IGF2R: variants seen among roughly 807,000 people sequenced by gnomAD.
IGF2R encodes the protein insulin like growth factor 2 receptor.
A neutral mutation model predicts 270.6 loss-of-function variants in IGF2R; 91 were observed. The ratio of observed to expected loss-of-function variants is 0.34; its 90% CI spans 0.28 to 0.40. IGF2R has a LOEUF of 0.40. IGF2R is among the 10% of genes least tolerant of loss of function. IGF2R has a pLI of 1.00. For missense variants in IGF2R, 2,805 were observed against 3,188.3 expected (o/e 0.88, Z 2.90); for synonymous variants, 1,316 against 1,258.9 (o/e 1.05, Z -0.96).
rs762956034 is a variant in IGF2R, at chr6:160,047,783, G to C, written c.2230-9G>C. On this transcript the variant is annotated splice_polypyrimidine_tract_variant and intron_variant, in intron 16 of 47. Transcript: ENST00000356956. ...TTTGCCATCCCTCCGCGCATCTGCC[G>C]TGGATTAGGAAGAGGATAACTCCAC... 1 of 1,571,084 alleles carries C rather than the reference G, an allele frequency of 6.4e-7. No individual in the cohort carries two copies. Among genetic ancestry groups the C allele is most frequent in the Non-Finnish European group, 8.8e-7 (1 of 1,140,806 alleles).
At chr6:160,092,708 C>G (rs1346932371) in intron 44 of IGF2R, among the ~76,000 whole-genome samples, 18 of 152,222 alleles carry the variant, frequency 1.2e-4, no homozygotes, top group Admixed American at 1.2e-3. Flanking sequence ...ATTCAGCAGC[C>G]CCTGCTTCAG....
intron 6 of IGF2R, among the ~76,000 whole-genome samples, chr6:160,027,556 G>A (rs919578362): frequency 6.6e-6 from 1 of 152,222 alleles, no homozygotes; most frequent in African/African-American, 2.4e-5. Flanking sequence ...CCAGTCCATA[G>A]TACATACCTG....
intron 39 of IGF2R, 121 bp from the exon 40 acceptor site, chr6:160,083,829 A>G: frequency 6.9e-6 from 5 of 725,198 alleles, no homozygotes; most frequent in Non-Finnish European, 1.2e-5. Context: ...AATTAACAAC[A>G]TCTCAGCAAA....
intron 39 of IGF2R, among the ~76,000 whole-genome samples, chr6:160,082,910 C>A (rs981708635): frequency 6.6e-6 from 1 of 152,208 alleles, no homozygotes; most frequent in African/African-American, 2.4e-5. Flanking sequence ...CTCTGCTCCC[C>A]TGAAGGGGTG....
rs563000336 is a variant in IGF2R, at chr6:159,986,356, C to T, written c.150-4828C>T. ...AAGCTATTCTCGTGCCTCAGCCTCC[C>T]GAGTAGTTGGGACTATAAGCGTGCG... On this transcript the variant is annotated intron_variant, in intron 1 of 47. Transcript: ENST00000356956. Among the ~76,000 whole-genome samples, 326 of 151,224 alleles carry T rather than the reference C, an allele frequency of 2.2e-3. 4 individuals carry two copies. Among genetic ancestry groups the T allele is most frequent in the African/African-American group, 7.4e-3 (304 of 41,148 alleles).
At chr6:160,044,684 T>C in intron 13 of IGF2R, 27 bp downstream of exon 13, 1 of 1,582,996 alleles carries the variant, frequency 6.3e-7, no homozygotes, top group Non-Finnish European at 8.6e-7. Flanking sequence ...AGATGAAATC[T>C]TTTCTGGCTT....
At chr6:160,015,297 A>C (rs997806786) in intron 4 of IGF2R, among the ~76,000 whole-genome samples, 22 of 152,240 alleles carry the variant, frequency 1.4e-4, no homozygotes, top group African/African-American at 5.3e-4. Context: ...GAAGTTTTAG[A>C]ATATTCTTTG....
chr6:160,052,555 G>A (rs936034255), intron 19 of IGF2R, among the ~76,000 whole-genome samples: 1 of 152,074 alleles, frequency 6.6e-6, no homozygotes, highest in Non-Finnish European at 1.5e-5. Context: ...GCTACCAATG[G>A]TTTTCTTCAC....
In IGF2R at chr6:160,102,980, G is replaced by A. The variant is rs1316440680; in HGVS notation, c.6995+309G>A. Among the ~76,000 whole-genome samples the A allele has an allele frequency of 2.0e-5, 3 of 152,152 alleles. No homozygotes were observed. Among genetic ancestry groups the A allele is most frequent in the African/African-American group, 4.8e-5 (2 of 41,426 alleles). The stretch of plus-strand genomic sequence containing the variant: ...CCTTTCATGGGTGCCTTTTCCCACT[G>A]AGCAGCTGACCCCTCTGCCCTCCTC... On this transcript the variant is annotated intron_variant, in intron 46 of 47. Transcript: ENST00000356956. This position sits in a 1 kb window ranked among gnomAD's most constrained non-coding sequence, Gnocchi z 4.5.
chr6:159,994,729 G>A lies in IGF2R; in HGVS notation c.289+3406G>A, dbSNP rs7769699. Among the ~76,000 whole-genome samples the A allele has an allele frequency of 1.1e-3, 167 of 152,146 alleles. 1 individual carries two copies. The highest frequency in any genetic ancestry group is 3.9e-3 in the African/African-American group (163 of 41,520). On this transcript the variant is annotated intron_variant, in intron 2 of 47. Transcript: ENST00000356956. ...GTTATTCAGGAGCAGGTTGTTTAAT[G>A]TTCATGTATTTGTGTAGTTTTGAGA...
At chr6:160,077,468 C>T (rs960241401) in intron 36 of IGF2R, among the ~76,000 whole-genome samples, 6 of 152,270 alleles carry the variant, frequency 3.9e-5, no homozygotes, top group Non-Finnish European at 7.4e-5. Context: ...CTGCTGCCAA[C>T]GTGACAAATC....
intron 22 of IGF2R, 59 bp downstream of exon 22, chr6:160,059,157 GC>G: frequency 7.0e-7 from 1 of 1,422,122 alleles, no homozygotes; most frequent in Non-Finnish European, 9.8e-7. Flanking sequence ...TCTGTGGCTG[GC>G]CATGCACCTT....
In IGF2R at chr6:160,035,508, G is replaced by A. The variant is rs865900360; in HGVS notation, c.1315+986G>A. 3.9e-5 allele frequency among the ~76,000 whole-genome samples: 6 copies of A among 152,286 alleles called. No individual in the cohort carries two copies. The Middle Eastern group carries it at 0.01, about 259-fold the overall frequency. ...GTCCTAGCAAGCAGGCAAAGAACCA[G>A]CCCAGGGTCTTGCCACTGGGAAGGC... On this transcript the variant is annotated intron_variant, in intron 10 of 47. Transcript: ENST00000356956.
intron 33 of IGF2R, 142 bp from the exon 34 acceptor site, chr6:160,073,071 A>C: frequency 4.3e-6 from 6 of 1,380,318 alleles, no homozygotes; most frequent in Non-Finnish European, 6.0e-6. Flanking sequence ...TCAATGTAAA[A>C]CAATGGTTAA....
chr6:159,985,333 C>T (rs773101932), intron 1 of IGF2R, among the ~76,000 whole-genome samples: 18 of 152,216 alleles, frequency 1.2e-4, no homozygotes, highest in Non-Finnish European at 2.1e-4. Flanking sequence ...CCGTGGGCCT[C>T]ACACCGCCTA....
chr6:159,976,170 T>G (rs1394362964), intron 1 of IGF2R, among the ~76,000 whole-genome samples: 2 of 152,148 alleles, frequency 1.3e-5, no homozygotes, highest in Non-Finnish European at 2.9e-5. Context: ...TGATTATGGT[T>G]TTTTCTAGTT....
chr6:160,036,428 G>A (rs912895985), intron 10 of IGF2R, among the ~76,000 whole-genome samples: 89 of 152,220 alleles, frequency 5.8e-4, no homozygotes, highest in African/African-American at 2.1e-3. Context: ...CCTTGGTTCT[G>A]GCTCCCAGGT....
At chr6:160,101,896 G>T (rs989390820) in intron 45 of IGF2R, among the ~76,000 whole-genome samples, 1 of 152,192 alleles carries the variant, frequency 6.6e-6, no homozygotes, top group Non-Finnish European at 1.5e-5. Flanking sequence ...GGTGAACTCC[G>T]CTGGTGAGGC....
intron 6 of IGF2R, 86 bp downstream of exon 6, chr6:160,027,400 A>G: frequency 6.9e-7 from 1 of 1,444,228 alleles, no homozygotes; most frequent in African/African-American, 1.4e-5. Context: ...ATCCTTTTTC[A>G]GCAAGGCTTG....
Sources: gnomAD v4.1 joint callset for allele counts (sites outside exome capture counted in the v4.1 genomes callset) on GRCh38, gnomAD v4.1.1 for gene constraint, Gnocchi (gnomAD v3.1) non-coding constraint, MANE v1.5 for transcripts, NCBI Gene and HGNC (gene_info 2026-07-23, HGNC 2026-07-21) for gene names.